Variants in ZFHX3 observed in about 807,000 individuals in gnomAD.
The protein encoded by ZFHX3 is zinc finger homeobox 3.
Under a neutral mutation model 279.1 loss-of-function variants are expected in ZFHX3, and 42 were observed. That is an observed-to-expected ratio of 0.15 (90% CI 0.12 to 0.19). The LOEUF is 0.19. Among genes scored for constraint, ZFHX3 ranks in the 10% least tolerant of loss-of-function variants. The pLI, the probability that ZFHX3 is intolerant of heterozygous loss-of-function variation, is 1.00. For synonymous variants in ZFHX3, 2,293 were observed against 1,957.8 expected, an observed-to-expected ratio of 1.17 and a Z score of -4.52; for missense variants, 4,981 against 4,754.0, an observed-to-expected ratio of 1.05 and a Z score of -1.40.
At chr16:73,250,168 G>T (rs1179285463) in intron 5 of ZFHX3, among the ~76,000 whole-genome samples, 2 of 152,142 alleles carry the variant, frequency 1.3e-5, no homozygotes, top group African/African-American at 4.8e-5. Flanking sequence ...TACCCTTTCA[G>T]GTACAATAAC....
intron 2 of ZFHX3, among the ~76,000 whole-genome samples, chr16:73,661,277 C>T (rs1246925458): frequency 6.6e-6 from 1 of 152,026 alleles, no homozygotes; most frequent in East Asian, 1.9e-4. Context: ...CATTTTGCCT[C>T]AATTGTAAAA....
intron 4 of ZFHX3, among the ~76,000 whole-genome samples, chr16:73,265,325 T>A (rs990329152): frequency 3.3e-5 from 5 of 152,004 alleles, no homozygotes; most frequent in Non-Finnish European, 7.4e-5. Flanking sequence ...GCCATGCTGA[T>A]GGGAGGAGCC....
intron 3 of ZFHX3, among the ~76,000 whole-genome samples, chr16:73,435,878 G>A (rs549646323): frequency 1.3e-5 from 2 of 152,332 alleles, no homozygotes; most frequent in African/African-American, 4.8e-5. Flanking sequence ...GACCTCAAGG[G>A]CATCCTGCCT....
intron 5 of ZFHX3, among the ~76,000 whole-genome samples, chr16:73,247,403 T>G (rs1357190064): frequency 6.6e-6 from 1 of 151,982 alleles, no homozygotes; most frequent in Non-Finnish European, 1.5e-5. Context: ...GTGTATACTA[T>G]GTATATAATG....
At position 72,796,425 on chromosome 16, in the gene ZFHX3, G is replaced by T; in HGVS notation, c.6257C>A (p.Thr2086Asn). ...IAPAQPSVPL[T>N]QLSMPMELPI... ...CAGCTCCATCGGCATGGAGAGCTGG[G>T]TGAGCGGCACTGATGGCTGGGCCGG... Residue 2086 changes from threonine to asparagine, a missense_variant, in exon 9 of 10, where the codon ACC becomes AAC. Physicochemically the swap from Thr to Asn is moderately conservative, Grantham distance 65. Transcript: ENST00000268489. 1 of 1,611,440 alleles carries T rather than the reference G, an allele frequency of 6.2e-7. No homozygotes were observed. Among genetic ancestry groups the T allele is most frequent in the South Asian group, 1.1e-5 (1 of 91,062 alleles).
At chr16:73,239,155 A>T (rs1222581955) in intron 5 of ZFHX3, among the ~76,000 whole-genome samples, 2 of 152,224 alleles carry the variant, frequency 1.3e-5, no homozygotes, top group Non-Finnish European at 2.9e-5. Flanking sequence ...CAAGTATCAT[A>T]AATAGTATTT....
rs1430471275 is a variant in ZFHX3 at position 72,867,049 on chromosome 16, C to T, written c.3448+22682G>A. ...TGTGTAGAAAGTAATTAAGAGTGCACCTCATTGGCATGAATGTTTCCCACC... is the reference window on the plus strand; with the variant it reads ...TGTGTAGAAAGTAATTAAGAGTGCATCTCATTGGCATGAATGTTTCCCACC... On this transcript the variant is annotated intron_variant, in intron 4 of 9. Transcript: ENST00000268489. Among the ~76,000 whole-genome samples the T allele has an allele frequency of 5.3e-5, 8 of 152,142 alleles. No individual in the cohort carries two copies. In the East Asian group the frequency reaches 1.5e-3, roughly 29 times the overall value.
At chr16:73,329,963 T>C (rs2015768371) in intron 3 of ZFHX3, among the ~76,000 whole-genome samples, 2 of 151,988 alleles carry the variant, frequency 1.3e-5, no homozygotes, top group Admixed American at 6.6e-5. Context: ...GCTAGAGCAG[T>C]TGTTATTATT....
At chr16:73,513,138 G>A (rs2019461520) in intron 2 of ZFHX3, among the ~76,000 whole-genome samples, 2 of 152,184 alleles carry the variant, frequency 1.3e-5, no homozygotes, top group African/African-American at 4.8e-5. Flanking sequence ...TCTGCACATA[G>A]ATGAAAAGCA....
chr16:73,165,308 C>G (rs1967335205), intron 5 of ZFHX3, among the ~76,000 whole-genome samples: 1 of 152,152 alleles, frequency 6.6e-6, no homozygotes, highest in Non-Finnish European at 1.5e-5. Context: ...GGAAGAGGCT[C>G]AAGCGCAGAA....
At chr16:73,384,146 G>T (rs955913179) in intron 3 of ZFHX3, among the ~76,000 whole-genome samples, 1 of 152,166 alleles carries the variant, frequency 6.6e-6, no homozygotes, top group African/African-American at 2.4e-5. Context: ...GCCAGGAATT[G>T]GCAAACTGCA....
chr16:73,177,025 G>A (rs909282027), intron 5 of ZFHX3, among the ~76,000 whole-genome samples: 46 of 152,224 alleles, frequency 3.0e-4, no homozygotes, highest in African/African-American at 1.0e-3. Flanking sequence ...TGACTTGAAG[G>A]TGACATTTGT....
At chr16:73,262,920 G>A (rs552071238) in intron 4 of ZFHX3, among the ~76,000 whole-genome samples, 45 of 152,170 alleles carry the variant, frequency 3.0e-4, no homozygotes, top group African/African-American at 1.0e-3. Context: ...TCAGCTGGCC[G>A]ACTGCCAGAC....
At chr16:73,312,951 C>A (rs554397932) in intron 4 of ZFHX3, among the ~76,000 whole-genome samples, 2 of 152,202 alleles carry the variant, frequency 1.3e-5, no homozygotes, top group East Asian at 3.9e-4. Context: ...TGTCCAAGGC[C>A]AAAAATGGGT....
chr16:72,895,939 G>C (rs2038889365), intron 3 of ZFHX3, among the ~76,000 whole-genome samples: 1 of 152,228 alleles, frequency 6.6e-6, no homozygotes, highest in Non-Finnish European at 1.5e-5. Flanking sequence ...CAAAAGACTG[G>C]ATCATAAGAA....
chr16:73,221,127 T>C (rs1832556796), intron 5 of ZFHX3, among the ~76,000 whole-genome samples: 1 of 152,216 alleles, frequency 6.6e-6, no homozygotes, highest in South Asian at 2.1e-4. Context: ...AGTCATCATA[T>C]TTGAGGTTTT....
intron 2 of ZFHX3, among the ~76,000 whole-genome samples, chr16:73,637,388 T>C (rs929906519): frequency 3.3e-5 from 5 of 151,934 alleles, no homozygotes; most frequent in Non-Finnish European, 7.4e-5. Context: ...GCTGCCACCA[T>C]GCCCAGCTAA....
rs372809398 is a variant in ZFHX3, at chr16:72,950,924, G to T, written c.2761C>A (p.Gln921Lys). ...TTCATCAGCTCCTCTGACACCAGCTGCCCGCCCCCGAGCCGCATGTCTAGG... is the reference window on the plus strand; with the variant it reads ...TTCATCAGCTCCTCTGACACCAGCTTCCCGCCCCCGAGCCGCATGTCTAGG... ...IPLDMRLGGG[Q>K]LVSEELMNLG... The change falls in exon 3 of 10, where the codon CAG (glutamine) becomes AAG (lysine). Residue 921 changes from glutamine (Q) to lysine (K), a missense_variant. Around this residue, in one of 7 missense-constraint regions of ZFHX3, gnomAD observed 1,751 missense variants for 1,770.0 expected, o/e 0.99. Transcript: ENST00000268489. 17 of 1,613,840 alleles carry T rather than the reference G, an allele frequency of 1.1e-5. No individual in the cohort carries two copies. Among genetic ancestry groups the T allele is most frequent in the Non-Finnish European group, 1.4e-5 (16 of 1,180,016 alleles).
intron 3 of ZFHX3, among the ~76,000 whole-genome samples, chr16:72,917,127 G>T (rs2039461379): frequency 6.6e-6 from 1 of 152,182 alleles, no homozygotes; most frequent in Non-Finnish European, 1.5e-5. Context: ...TATAGTCCTG[G>T]CTATTCAGGA....
Sources: allele counts gnomAD v4.1 joint callset (sites outside exome capture counted in the v4.1 genomes callset), GRCh38; gene constraint gnomAD v4.1.1; regional missense constraint gnomAD v4.1.1; transcripts MANE v1.5; gene names NCBI Gene and HGNC (gene_info 2026-07-23, HGNC 2026-07-21).